The following PODN variants were observed in gnomAD, a reference collection of about 807,000 sequenced individuals.
PODN encodes the protein podocan.
In PODN, 40 loss-of-function variants were observed where a neutral mutation model predicts 52.7. The observed-to-expected ratio is 0.76, with a 90% CI of 0.59 to 0.99. The LOEUF (loss-of-function observed/expected upper bound fraction) is 0.99, where lower values mean the gene tolerates loss of function less well. PODN is among the 50% of genes least tolerant of loss of function. The pLI is 0.00. For synonymous variants in PODN, 396 were observed against 377.9 expected (o/e 1.05, Z -0.56); for missense variants, 720 against 815.1 (o/e 0.88, Z 1.42).
intron 2 of PODN, 143 bp from the exon 3 acceptor site, chr1:53,071,392 G>A (rs1644114727): frequency 2.9e-6 from 2 of 691,334 alleles, no homozygotes; most frequent in Non-Finnish European, 4.9e-6. Flanking sequence ...GGCACCGGGG[G>A]TCTGCTGCCA....
intron 7 of PODN, 61 bp downstream of exon 7, chr1:53,077,861 G>T (rs1644220314): frequency 7.0e-7 from 1 of 1,425,046 alleles, no homozygotes; most frequent in African/African-American, 1.4e-5. Flanking sequence ...CTCCTTCAGG[G>T]CCAACCATCC....
At chr1:53,074,817 G>T in intron 4 of PODN, 147 bp downstream of exon 4, 10 of 461,044 alleles carry the variant, frequency 2.2e-5, no homozygotes, top group Admixed American at 1.0e-4. Flanking sequence ...TCGGGGGTGG[G>T]GGAGACACGG....
chr1:53,072,129 TAAA>T (rs1644129239), intron 3 of PODN, among the ~76,000 whole-genome samples: 1 of 149,930 alleles, frequency 6.7e-6, no homozygotes, highest in Non-Finnish European at 1.5e-5. Context: ...TAAAATAAAA[TAAA>T]TAAAAAATAA....
intron 5 of PODN, among the ~76,000 whole-genome samples, chr1:53,076,917 C>T (rs1232071827): frequency 6.6e-6 from 1 of 152,164 alleles, no homozygotes; most frequent in Non-Finnish European, 1.5e-5. Context: ...CAGGGGTCAA[C>T]TGAGACCTTG....
At chr1:53,078,320 C>T (rs2150303395) in intron 7 of PODN, 45 bp from the exon 8 acceptor site, 1 of 1,545,018 alleles carries the variant, frequency 6.5e-7, no homozygotes, top group African/African-American at 1.4e-5. Context: ...GAAACGAGCA[C>T]AATGTGGGCT....
chr1:53,082,878 CATGT>C (rs543849097), intron 10 of PODN, among the ~76,000 whole-genome samples: 80 of 152,316 alleles, frequency 5.3e-4, no homozygotes, highest in African/African-American at 1.9e-3. Flanking sequence ...TGTGTACATG[CATGT>C]GAGTACATGC....
chr1:53,074,794 A>G, intron 4 of PODN, 124 bp downstream of exon 4: 5 of 344,976 alleles, frequency 1.4e-5, no homozygotes, highest in South Asian at 7.1e-5. Context: ...TGCTGCTCAG[A>G]CATGGCCCTG....
intron 7 of PODN, 98 bp downstream of exon 7, chr1:53,077,898 C>A (rs1572272882): frequency 2.3e-6 from 2 of 868,882 alleles, no homozygotes; most frequent in East Asian, 2.5e-5. Context: ...TCACGCACGT[C>A]CCCTGCCCAC....
intron 8 of PODN, 175 bp from the exon 9 acceptor site, chr1:53,080,553 C>A: frequency 1.5e-6 from 1 of 655,452 alleles, no homozygotes. Flanking sequence ...GATCACTTAA[C>A]CTCTCTGAGC....
chr1:53,075,815 C>T, intron 4 of PODN, 47 bp from the exon 5 acceptor site: 1 of 1,497,508 alleles, frequency 6.7e-7, no homozygotes, highest in Non-Finnish European at 9.1e-7. Context: ...CCACAGCTGG[C>T]CTCTGCTCCT....
chr1:53,071,561 T>G lies in PODN; in HGVS notation c.339T>G (p.Pro113=). 1.9e-5 allele frequency: 31 copies of G among 1,613,966 alleles called. No homozygotes were observed. The highest frequency in any genetic ancestry group is 2.6e-5 in the Non-Finnish European group (31 of 1,179,978). Residue 113 remains proline (P), a synonymous_variant, in exon 3 of 11, where the codon CCT becomes CCG. Transcript: ENST00000312553. Reference sequence around the variant, plus strand: ...ACAACCAGCTGGAAAAGATCTACCCTGAGGAGCTCTCCCGGCTGCACCGGC... The same window carrying G: ...ACAACCAGCTGGAAAAGATCTACCCGGAGGAGCTCTCCCGGCTGCACCGGC... ...LQNNQLEKIY[P]EELSRLHRLE...
chr1:53,076,881 G>A (rs1009334288), intron 5 of PODN, among the ~76,000 whole-genome samples: 1 of 152,108 alleles, frequency 6.6e-6, no homozygotes, highest in African/African-American at 2.4e-5. Context: ...CCGCGAGTCA[G>A]GCAAGGACTC....
At chr1:53,073,920 T>A (rs1057473272) in intron 3 of PODN, among the ~76,000 whole-genome samples, 2 of 152,276 alleles carry the variant, frequency 1.3e-5, no homozygotes, top group Non-Finnish European at 2.9e-5. Context: ...CACAGCCTGC[T>A]TTGTTTCTCT....
At chr1:53,068,881 C>T (rs899908437) in intron 1 of PODN, among the ~76,000 whole-genome samples, 4 of 152,160 alleles carry the variant, frequency 2.6e-5, no homozygotes, top group African/African-American at 4.8e-5. Context: ...TTGCTGGACC[C>T]GGGGCCATGC....
At chr1:53,075,667 A>T (rs1424696369) in intron 4 of PODN, among the ~76,000 whole-genome samples, 195 bp from the exon 5 acceptor site, 2 of 152,228 alleles carry the variant, frequency 1.3e-5, no homozygotes, top group Non-Finnish European at 2.9e-5. Flanking sequence ...TTGAATGCCA[A>T]GCTGAGTGCT....
At chr1:53,077,432 C>T in intron 6 of PODN, 86 bp downstream of exon 6, 1 of 1,549,054 alleles carries the variant, frequency 6.5e-7, no homozygotes, top group Non-Finnish European at 8.7e-7. Flanking sequence ...GAGCTCAGGC[C>T]CACATGGCCA....
At position 53,071,565 on chromosome 1, in the gene PODN, G is replaced by A. The variant is rs1301555821; in HGVS notation, c.343G>A (p.Glu115Lys). The change falls in exon 3 of 11, where the codon GAG becomes AAG. Residue 115 changes from glutamate (E) to lysine (K), a missense_variant. By Grantham distance (56) the Glu-to-Lys change is moderately conservative. Coordinates refer to ENST00000312553, the MANE Select transcript of PODN (RefSeq NM_153703.5). ...NNQLEKIYPE[E>K]LSRLHRLETL... is the part of the protein sequence containing the mutation. ...CCAGCTGGAAAAGATCTACCCTGAG[G>A]AGCTCTCCCGGCTGCACCGGCTGGA... is the stretch of plus-strand genomic sequence containing the variant. 6.2e-7 allele frequency: 1 copy of A among 1,613,886 alleles called. No individual in the cohort carries two copies. The highest frequency in any genetic ancestry group is 8.5e-7 in the Non-Finnish European group (1 of 1,179,994).
rs762597924 is a variant in PODN, at chr1:53,078,993, C to G, written c.1483C>G (p.Arg495Gly). The change falls in exon 8 of 11, where the codon CGT becomes GGT. Residue 495 changes from arginine (R) to glycine (G), a missense_variant. Arg to Gly is a moderately radical substitution (Grantham distance 125). Coordinates refer to ENST00000312553, the MANE Select transcript of PODN (RefSeq NM_153703.5). ...ACTGCGCAGCCGAGCCCTGGGCCCC[C>G]GTGCCTGGGTGGACCTCGCCCATCT... ...NRLRSRALGP[R>G]AWVDLAHLQL... The G allele has an allele frequency of 1.1e-5, 17 of 1,563,820 alleles. No homozygotes were observed. Among genetic ancestry groups the G allele is most frequent in the Non-Finnish European group, 1.5e-5 (17 of 1,153,636 alleles).
At chr1:53,071,491 C>A in intron 2 of PODN, 44 bp from the exon 3 acceptor site, 2 of 1,520,234 alleles carry the variant, frequency 1.3e-6, no homozygotes, top group East Asian at 4.6e-5. Context: ...AGGGCACACC[C>A]CACTAGGCTG....
Sources: gnomAD v4.1 joint callset for allele counts (sites outside exome capture counted in the v4.1 genomes callset) on GRCh38, gnomAD v4.1.1 for gene constraint, MANE v1.5 for transcripts, NCBI Gene and HGNC (gene_info 2026-07-23, HGNC 2026-07-21) for gene names.